ADGRB3: variants seen among roughly 807,000 people sequenced by gnomAD.
ADGRB3 encodes adhesion G protein-coupled receptor B3.
In ADGRB3, 37 loss-of-function variants were observed where a neutral mutation model predicts 193.4. The observed-to-expected ratio is 0.19, with a 90% CI of 0.15 to 0.25. The LOEUF (loss-of-function observed/expected upper bound fraction) is 0.25. Among genes scored for constraint, ADGRB3 ranks in the 10% least tolerant of loss-of-function variants. The pLI, the probability that ADGRB3 is intolerant of heterozygous loss-of-function variation, is 1.00. For missense variants in ADGRB3, 1,637 were observed against 1,852.9 expected (o/e 0.88, Z 2.14); for synonymous variants, 690 against 644.2 (o/e 1.07, Z -1.08).
At chr6:68,847,872 G>T (rs1768312824) in intron 3 of ADGRB3, among the ~76,000 whole-genome samples, 2 of 151,518 alleles carry the variant, frequency 1.3e-5, no homozygotes, top group South Asian at 4.2e-4. Flanking sequence ...GTAGAAGATT[G>T]TTTTTTGAAA....
At chr6:69,065,775 A>G (rs1045587042) in intron 16 of ADGRB3, among the ~76,000 whole-genome samples, 19 of 151,426 alleles carry the variant, frequency 1.3e-4, no homozygotes, top group African/African-American at 4.6e-4. Flanking sequence ...ACACACACAC[A>G]CACACACACA....
At chr6:68,909,042 T>G (rs1365695866) in intron 3 of ADGRB3, among the ~76,000 whole-genome samples, 1 of 152,164 alleles carries the variant, frequency 6.6e-6, no homozygotes, top group Non-Finnish European at 1.5e-5. Flanking sequence ...GTGCCCTTTT[T>G]TCCTTGGAAG....
intron 29 of ADGRB3, among the ~76,000 whole-genome samples, chr6:69,366,075 C>T (rs1769560587): frequency 1.3e-5 from 2 of 152,114 alleles, no homozygotes; most frequent in Non-Finnish European, 2.9e-5. Context: ...TAACAGAAAC[C>T]ATTATAAAAT....
intron 11 of ADGRB3, among the ~76,000 whole-genome samples, chr6:68,995,162 GC>G (rs1463654952): frequency 6.6e-6 from 1 of 152,102 alleles, no homozygotes; most frequent in Admixed American, 6.6e-5. Flanking sequence ...TTTCAAAGAT[GC>G]TTTTCTCTTA....
intron 3 of ADGRB3, among the ~76,000 whole-genome samples, chr6:68,657,340 A>G (rs1346211486): frequency 6.6e-6 from 1 of 151,548 alleles, no homozygotes; most frequent in African/African-American, 2.4e-5. Flanking sequence ...CCTAGGTCTC[A>G]GTGCCATGTC....
chr6:69,270,733 CACTACCCT>C (rs1767156213), intron 20 of ADGRB3, among the ~76,000 whole-genome samples: 2 of 152,184 alleles, frequency 1.3e-5, no homozygotes, highest in African/African-American at 2.4e-5. Flanking sequence ...TAATTCTACT[CACTACCCT>C]GCTGTTCGAT....
chr6:69,068,410 A>C, intron 16 of ADGRB3, among the ~76,000 whole-genome samples: 1 of 152,264 alleles, frequency 6.6e-6, no homozygotes, highest in Middle Eastern at 3.4e-3. Context: ...TTCTTTATTA[A>C]AGTTATTTGC....
chr6:69,375,089 A>C (rs186810050), intron 30 of ADGRB3, among the ~76,000 whole-genome samples: 138 of 152,246 alleles, frequency 9.1e-4, no homozygotes, highest in Middle Eastern at 3.4e-3. Context: ...CTATGGAAGA[A>C]GAGACTAAAG....
In ADGRB3 at chr6:68,922,644, C is replaced by T. The variant is rs142168018; in HGVS notation, c.758-7915C>T. Among the ~76,000 whole-genome samples the T allele has an allele frequency of 9.9e-4, 150 of 152,208 alleles. 1 individual carries two copies. Among genetic ancestry groups the T allele is most frequent in the African/African-American group, 3.5e-3 (146 of 41,534 alleles). On this transcript the variant is annotated intron_variant, in intron 3 of 31. Coordinates refer to ENST00000370598, the MANE Select transcript of ADGRB3 (RefSeq NM_001704.3). The stretch of plus-strand genomic sequence containing the variant: ...AATGTAATTTTAGAGTATAAGGAGA[C>T]CTTAGAGATCATGTTCCCGGTATCT...
chr6:69,293,894 TAGAC>T lies in ADGRB3; in HGVS notation c.2815-30975_2815-30972del, dbSNP rs572335495. 2.0e-3 allele frequency among the ~76,000 whole-genome samples: 310 copies of T among 151,962 alleles called. 1 individual carries two copies. The highest frequency in any genetic ancestry group is 7.0e-3 in the African/African-American group (291 of 41,468). On this transcript the variant is annotated intron_variant, in intron 20 of 31. Coordinates refer to ENST00000370598, the MANE Select transcript of ADGRB3 (RefSeq NM_001704.3). ...GGAGTTTCTTCTGTCGGAAAGAACA[TAGAC>T]AGGAAGGAACAGAGTAGGATTTTTT...
At chr6:68,818,109 T>C (rs1471068603) in intron 3 of ADGRB3, among the ~76,000 whole-genome samples, 1 of 152,040 alleles carries the variant, frequency 6.6e-6, no homozygotes, top group African/African-American at 2.4e-5. Context: ...CCATCTCAGT[T>C]TGCTATATTA....
At chr6:69,246,428 A>G (rs1279240704) in intron 20 of ADGRB3, among the ~76,000 whole-genome samples, 1 of 152,166 alleles carries the variant, frequency 6.6e-6, no homozygotes, top group Non-Finnish European at 1.5e-5. Flanking sequence ...GTTATTCTGG[A>G]TTCCTGAAAA....
At chr6:68,897,684 A>T (rs1240335582) in intron 3 of ADGRB3, among the ~76,000 whole-genome samples, 1 of 119,006 alleles carries the variant, frequency 8.4e-6, no homozygotes, top group East Asian at 2.9e-4. Flanking sequence ...GGAAAAAGAA[A>T]GAGAAACAGA....
At chr6:68,858,012 G>A (rs1765035810) in intron 3 of ADGRB3, among the ~76,000 whole-genome samples, 1 of 152,196 alleles carries the variant, frequency 6.6e-6, no homozygotes. Flanking sequence ...TATAAGATGT[G>A]ACTTGCTCCT....
At chr6:69,188,412 G>A (rs372421063) in intron 17 of ADGRB3, among the ~76,000 whole-genome samples, 16 of 151,926 alleles carry the variant, frequency 1.1e-4, no homozygotes, top group East Asian at 7.7e-4. Flanking sequence ...GGGTTCAAGC[G>A]ATTCTCTTGC....
At chr6:68,968,858 C>T (rs576371001) in intron 8 of ADGRB3, among the ~76,000 whole-genome samples, 5 of 152,088 alleles carry the variant, frequency 3.3e-5, no homozygotes, top group Non-Finnish European at 5.9e-5. Flanking sequence ...TACTGTCCAA[C>T]ATAGTTGTTA....
At chr6:68,663,052 A>G (rs533982506) in intron 3 of ADGRB3, among the ~76,000 whole-genome samples, 1 of 151,492 alleles carries the variant, frequency 6.6e-6, no homozygotes, top group Non-Finnish European at 1.5e-5. Context: ...GCTTTCAACA[A>G]TATTATATGG....
rs781132308 is a variant in ADGRB3 at position 69,063,057 on chromosome 6, A to C, written c.2436+21A>C. ...CTAATGTAAGTACCATCCACTGGGCACTGACTTGCTTATGGAATTACCTTT... is the reference window on the plus strand; with the variant it reads ...CTAATGTAAGTACCATCCACTGGGCCCTGACTTGCTTATGGAATTACCTTT... On this transcript the variant is annotated intron_variant, in intron 16 of 31. Coordinates refer to ENST00000370598, the MANE Select transcript of ADGRB3 (RefSeq NM_001704.3). The C allele has an allele frequency of 1.9e-6, 3 of 1,542,638 alleles. No homozygotes were observed. In the East Asian group the frequency reaches 6.8e-5, roughly 35 times the overall value.
At chr6:69,304,833 A>G (rs1332501935) in intron 20 of ADGRB3, among the ~76,000 whole-genome samples, 1 of 151,340 alleles carries the variant, frequency 6.6e-6, no homozygotes, top group Admixed American at 6.6e-5. Context: ...TAGTGTTTCT[A>G]TTTTCTAAAT....
Sources: allele counts gnomAD v4.1 joint callset (sites outside exome capture counted in the v4.1 genomes callset), GRCh38; gene constraint gnomAD v4.1.1; transcripts MANE v1.5; gene names NCBI Gene and HGNC (gene_info 2026-07-23, HGNC 2026-07-21).